VAPA: variants seen among roughly 807,000 people sequenced by gnomAD.
VAPA encodes vesicle-associated membrane protein-associated protein A.
In VAPA, 6 loss-of-function variants were observed where a neutral mutation model predicts 25.6. The observed-to-expected ratio is 0.23, with a 90% CI of 0.13 to 0.46. VAPA has a LOEUF of 0.46. Among genes scored for constraint, VAPA ranks in the 20% least tolerant of loss-of-function variants. The pLI, the probability that VAPA is intolerant of heterozygous loss-of-function variation, is 0.99. For missense variants in VAPA, 244 were observed against 302.1 expected (o/e 0.81, Z 1.43); for synonymous variants, 112 against 106.2 (o/e 1.05, Z -0.34).
At chr18:9,952,091 C>A (rs544672801) in intron 5 of VAPA, among the ~76,000 whole-genome samples, 1 of 152,150 alleles carries the variant, frequency 6.6e-6, no homozygotes, top group African/African-American at 2.4e-5. Flanking sequence ...CACTGTTTAC[C>A]TCTGGCAGGG....
chr18:9,943,911 A>G (rs1298440447), intron 4 of VAPA, among the ~76,000 whole-genome samples: 1 of 111,442 alleles, frequency 9.0e-6, no homozygotes, highest in Non-Finnish European at 1.7e-5. Flanking sequence ...CCCAGGCTGG[A>G]GTGCAGTGGC....
In VAPA at chr18:9,954,968, AAGG is replaced by A. The variant is rs1470208485; in HGVS notation, c.*760_*762del. 2 of 152,256 alleles carry A rather than the reference AAGG, an allele frequency of 1.3e-5. No individual in the cohort carries two copies. The highest frequency in any genetic ancestry group is 2.9e-5 in the Non-Finnish European group (2 of 68,014). 9.4% of individuals were successfully genotyped at this position (152,256 alleles called of 1,614,324 possible). A position where few individuals can be genotyped will look rare whatever the true frequency, so the allele number is the denominator to read the frequency against. On this transcript the variant is annotated 3_prime_UTR_variant, in exon 6 of 6. Transcript: ENST00000400000. ...TTGAAAGTCCTAATTCTGTTAAGGA[AAGG>A]AGTTGATTAAATTTTAAGGTACCAC... is the stretch of plus-strand genomic sequence containing the variant.
In VAPA at chr18:9,935,089, C is replaced by T. The variant is rs1423068750; in HGVS notation, c.233-1021C>T. On this transcript the variant is annotated intron_variant, in intron 2 of 5. Coordinates refer to ENST00000400000, the MANE Select transcript of VAPA (RefSeq NM_194434.3). ...CAGCCTGGGCGACAGAGCAAGACTC[C>T]GTCTCAAAAAAAAAAAAAAAAAAAC... Among the ~76,000 whole-genome samples, 8 of 122,520 alleles carry T rather than the reference C, an allele frequency of 6.5e-5. No homozygotes were observed. The East Asian group carries it at 1.0e-3, about 16-fold the overall frequency. 80.4% of individuals were successfully genotyped at this position (122,520 alleles called of 152,430 possible).
chr18:9,914,182 T>TCGCCGC lies in VAPA; in HGVS notation c.-72_-67dup. ...CTCGTCCTAGAGCTCGGCCGAGCCG[T>TCGCCGC]CGCCGCCGTCGTCCCCCGCCCCCAG... On this transcript the variant is annotated 5_prime_UTR_variant, in exon 1 of 6. Coordinates refer to ENST00000400000, the MANE Select transcript of VAPA (RefSeq NM_194434.3). The TCGCCGC allele has an allele frequency of 7.3e-7, 1 of 1,373,298 alleles. No individual in the cohort carries two copies. The highest frequency in any genetic ancestry group is 9.9e-7 in the Non-Finnish European group (1 of 1,008,344). The allele number at this position is 1,373,298 out of a possible 1,614,324, so 85.1% of individuals were successfully genotyped here.
At chr18:9,946,768 A>C (rs1489137186) in intron 4 of VAPA, among the ~76,000 whole-genome samples, 1 of 152,114 alleles carries the variant, frequency 6.6e-6, no homozygotes, top group Non-Finnish European at 1.5e-5. Context: ...AGACTTTATA[A>C]ACACTGTACA....
At chr18:9,946,811 A>C (rs2069429103) in intron 4 of VAPA, among the ~76,000 whole-genome samples, 1 of 152,148 alleles carries the variant, frequency 6.6e-6, no homozygotes, top group South Asian at 2.1e-4. Context: ...TTTTTTCTTT[A>C]ATCTTAGCTG....
At position 9,955,830 on chromosome 18, in the gene VAPA, A is replaced by AT. The variant is rs2069543269; in HGVS notation, c.*1621dup. 6.6e-6 allele frequency: 1 copy of AT among 152,150 alleles called. No individual in the cohort carries two copies. Among genetic ancestry groups the AT allele is most frequent in the Middle Eastern group, 3.2e-3 (1 of 316 alleles). The allele number at this position is 152,150 out of a possible 1,614,324, so 9.4% of individuals were successfully genotyped here. On this transcript the variant is annotated 3_prime_UTR_variant, in exon 6 of 6. Coordinates refer to ENST00000400000, the MANE Select transcript of VAPA (RefSeq NM_194434.3). ...AAGGAAACACAAGTAATGCCTATCC[A>AT]TTACTAGCATGCTATGCTGCATGCT...
In VAPA at chr18:9,918,205, T is replaced by C. The variant is rs575721097; in HGVS notation, c.79+3870T>C. On this transcript the variant is annotated intron_variant, in intron 1 of 5. Coordinates refer to ENST00000400000, the MANE Select transcript of VAPA (RefSeq NM_194434.3). Reference sequence around the variant, plus strand: ...CATGTTCCATGAGATGTTTTCCTGCTGGTTTTCAATCACTGGCTGCATTGT... The same window carrying C: ...CATGTTCCATGAGATGTTTTCCTGCCGGTTTTCAATCACTGGCTGCATTGT... 2.0e-5 allele frequency among the ~76,000 whole-genome samples: 3 copies of C among 152,332 alleles called. No individual in the cohort carries two copies. The East Asian group carries it at 5.8e-4, about 29-fold the overall frequency.
chr18:9,947,240 C>T (rs375563434), intron 4 of VAPA, among the ~76,000 whole-genome samples: 1 of 152,052 alleles, frequency 6.6e-6, no homozygotes, highest in African/African-American at 2.4e-5. Context: ...ATACATAAAC[C>T]TGTAACATAG....
chr18:9,956,323 A>G lies in VAPA; in HGVS notation c.*2112A>G, dbSNP rs3025539. Reference sequence around the variant, plus strand: ...GCTGAAATAATGAACATAAAATGCTATTTATAATAACAAGTATATGTGAAA... The same window carrying G: ...GCTGAAATAATGAACATAAAATGCTGTTTATAATAACAAGTATATGTGAAA... On this transcript the variant is annotated 3_prime_UTR_variant, in exon 6 of 6. Transcript: ENST00000400000. 6.6e-6 allele frequency: 1 copy of G among 152,314 alleles called. No homozygotes were observed. Among genetic ancestry groups the G allele is most frequent in the East Asian group, 1.9e-4 (1 of 5,186 alleles). 9.4% of individuals were successfully genotyped at this position (152,314 alleles called of 1,614,324 possible). A position where few individuals can be genotyped will look rare whatever the true frequency, so the allele number is the denominator to read the frequency against.
chr18:9,946,382 C>T (rs1207966443), intron 4 of VAPA, among the ~76,000 whole-genome samples: 2 of 152,116 alleles, frequency 1.3e-5, no homozygotes, highest in African/African-American at 2.4e-5. Context: ...CAACCTGCAG[C>T]CTGCGGCCCA....
intron 4 of VAPA, among the ~76,000 whole-genome samples, chr18:9,943,187 T>C (rs2069383993): frequency 6.6e-6 from 1 of 152,246 alleles, no homozygotes; most frequent in African/African-American, 2.4e-5. Flanking sequence ...GTCCATGTTT[T>C]TATTTTTATA....
rs2069558222 is a variant in VAPA, at chr18:9,956,976, A to AT, written c.*2766dup. 6.6e-6 allele frequency: 1 copy of AT among 152,182 alleles called. No homozygotes were observed. The highest frequency in any genetic ancestry group is 2.4e-5 in the African/African-American group (1 of 41,430). 9.4% of individuals were successfully genotyped at this position (152,182 alleles called of 1,614,324 possible). A position where few individuals can be genotyped will look rare whatever the true frequency, so the allele number is the denominator to read the frequency against. On this transcript the variant is annotated 3_prime_UTR_variant, in exon 6 of 6. Coordinates refer to ENST00000400000, the MANE Select transcript of VAPA (RefSeq NM_194434.3). Reference sequence around the variant, plus strand: ...GTGTGGTATGTTCCCTTAAAAAAAAATGACACTTGGAAGAAAAATGTATGA... The same window carrying AT: ...GTGTGGTATGTTCCCTTAAAAAAAAATTGACACTTGGAAGAAAAATGTATGA...
chr18:9,918,802 A>G (rs796957635), intron 1 of VAPA, among the ~76,000 whole-genome samples: 5 of 152,360 alleles, frequency 3.3e-5, no homozygotes, highest in African/African-American at 1.2e-4. Context: ...CAAACAACTT[A>G]TTCACTATTT....
rs2143476942 is a variant in VAPA, at chr18:9,959,869, T to A, written c.*5658T>A. On this transcript the variant is annotated 3_prime_UTR_variant, in exon 6 of 6. Transcript: ENST00000400000. ...CAGTTGTGGGGAGCAAACTTTCTTT[T>A]TTGTGCTGTTTTAATTCAAAATGTA... is the stretch of plus-strand genomic sequence containing the variant. 1 of 152,258 alleles carries A rather than the reference T, an allele frequency of 6.6e-6. No individual in the cohort carries two copies. Among genetic ancestry groups the A allele is most frequent in the South Asian group, 2.1e-4 (1 of 4,832 alleles). 9.4% of individuals were successfully genotyped at this position (152,258 alleles called of 1,614,324 possible).
intron 1 of VAPA, among the ~76,000 whole-genome samples, chr18:9,915,420 A>G (rs1223666432): frequency 2.6e-5 from 4 of 152,178 alleles, no homozygotes; most frequent in African/African-American, 9.7e-5. Context: ...TAGGAAAGAG[A>G]GTTAAAATGT....
In VAPA at chr18:9,954,237, T is replaced by G; in HGVS notation, c.*26T>G. On this transcript the variant is annotated 3_prime_UTR_variant, in exon 6 of 6. Coordinates refer to ENST00000400000, the MANE Select transcript of VAPA (RefSeq NM_194434.3). ...AGTGAAGCATGCAGAGTGCTGTTTC[T>G]TTTTTTTTTTTTCTCTTGACCAGAA... 1.6e-6 allele frequency: 1 copy of G among 616,690 alleles called. No individual in the cohort carries two copies. Among genetic ancestry groups the G allele is most frequent in the African/African-American group, 2.6e-5 (1 of 37,748 alleles). 38.2% of individuals were successfully genotyped at this position (616,690 alleles called of 1,614,324 possible). A position where few individuals can be genotyped will look rare whatever the true frequency, so the allele number is the denominator to read the frequency against.
intron 1 of VAPA, among the ~76,000 whole-genome samples, chr18:9,921,593 A>G (rs778746819): frequency 1.2e-4 from 19 of 152,238 alleles, no homozygotes; most frequent in Non-Finnish European, 1.5e-4. Flanking sequence ...GCAAATTGAC[A>G]TATGCATCAT....
chr18:9,934,750 A>G (rs2069290734), intron 2 of VAPA, among the ~76,000 whole-genome samples: 1 of 152,198 alleles, frequency 6.6e-6, no homozygotes, highest in South Asian at 2.1e-4. Flanking sequence ...CTCATGTTAC[A>G]TAAATTTAGC....
Sources: allele counts gnomAD v4.1 joint callset (sites outside exome capture counted in the v4.1 genomes callset), GRCh38; gene constraint gnomAD v4.1.1; transcripts MANE v1.5; gene names NCBI Gene and HGNC (gene_info 2026-07-23, HGNC 2026-07-21).